PTPRF: variants seen among roughly 807,000 people sequenced by gnomAD.
The protein encoded by PTPRF is receptor-type tyrosine-protein phosphatase F.
A neutral mutation model predicts 201.8 loss-of-function variants in PTPRF; 59 were observed. The ratio of observed to expected loss-of-function variants is 0.29; its 90% CI spans 0.24 to 0.36. PTPRF has a LOEUF of 0.36. Among genes scored for constraint, PTPRF ranks in the 10% least tolerant of loss-of-function variants. The pLI, the probability that PTPRF is intolerant of heterozygous loss-of-function variation, is 1.00. For missense variants in PTPRF, 2,132 were observed against 2,690.5 expected (o/e 0.79, Z 4.59); for synonymous variants, 1,088 against 1,089.7 (o/e 1.00, Z 0.03).
At chr1:43,617,112 C>CT (rs1658055743) in intron 23 of PTPRF, among the ~76,000 whole-genome samples, 1 of 151,836 alleles carries the variant, frequency 6.6e-6, no homozygotes. Context: ...TCGGGACTGC[C>CT]TGAGAGGGGG....
At chr1:43,620,814 A>G (rs1659041575) in intron 31 of PTPRF, 24 bp from the exon 32 acceptor site, 1 of 1,600,428 alleles carries the variant, frequency 6.2e-7, no homozygotes, top group African/African-American at 1.3e-5. Flanking sequence ...AATTCTAATC[A>G]TGTACCCCAC....
At chr1:43,583,018 C>CT (rs568643021) in intron 7 of PTPRF, 27 of 957,098 alleles carry the variant, frequency 2.8e-5, no homozygotes, top group South Asian at 4.8e-5. Flanking sequence ...TTCTCCTTGT[C>CT]TTTTTTTTAT....
chr1:43,568,210 G>T (rs1271881970), intron 5 of PTPRF, among the ~76,000 whole-genome samples: 1 of 151,832 alleles, frequency 6.6e-6, no homozygotes, highest in Admixed American at 6.6e-5. Context: ...CAGGAGAATT[G>T]CTTGAACCCA....
Position 43,619,754 on chromosome 1 carries a change from G to A in PTPRF, c.5007G>A (p.Arg1669=). The A allele has an allele frequency of 1.9e-6, 3 of 1,614,256 alleles. No homozygotes were observed. The highest frequency in any genetic ancestry group is 1.7e-6 in the Non-Finnish European group (2 of 1,180,038). The stretch of plus-strand genomic sequence containing the variant: ...TGCCCTGCAACAAGTTCAAGAACCG[G>A]CTGGTGAACATCATGCCCTACGAAT... ...ANLPCNKFKN[R]LVNIMPYELT... The change falls in exon 29 of 34, where the codon CGG becomes CGA. Residue 1669 remains arginine, a synonymous_variant. Transcript: ENST00000359947.
intron 7 of PTPRF, chr1:43,579,156 A>C: frequency 1.4e-6 from 1 of 694,904 alleles, no homozygotes; most frequent in Middle Eastern, 2.3e-4. Context: ...CACTCTTGGG[A>C]GCATTTGTAT....
chr1:43,601,998 TCCAGG>T lies in PTPRF; in HGVS notation c.2314-65_2314-61del. The T allele has an allele frequency of 1.9e-6, 3 of 1,551,180 alleles. No homozygotes were observed. The Middle Eastern group carries it at 5.0e-4, about 261-fold the overall frequency. On this transcript the variant is annotated intron_variant, in intron 13 of 33. Transcript: ENST00000359947. ...TCTGTCCTCCCTGGGCAAGGTCCCT[TCCAGG>T]CCAGGCCCTCTCCAGGTCAGAGTCC...
rs914839750 is a variant in PTPRF, at chr1:43,591,890, A to G, written c.1610A>G (p.Gln537Arg). ...RIQLSWLLPP[Q>R]ERIIMYELVY... Reference sequence around the variant, plus strand: ...CAGCTCTCGTGGCTGCTGCCCCCTCAGGAGCGGATCATCATGTATGAACTG... The same window carrying G: ...CAGCTCTCGTGGCTGCTGCCCCCTCGGGAGCGGATCATCATGTATGAACTG... Residue 537 changes from glutamine to arginine, a missense_variant, in exon 10 of 34, where the codon CAG becomes CGG. Physicochemically the swap from Gln to Arg is conservative, Grantham distance 43. Transcript: ENST00000359947. The G allele has an allele frequency of 2.5e-6, 4 of 1,613,332 alleles. No individual in the cohort carries two copies. The highest frequency in any genetic ancestry group is 1.7e-5 in the Admixed American group (1 of 60,000).
chr1:43,571,049 C>G (rs1456512405), intron 6 of PTPRF, among the ~76,000 whole-genome samples: 1 of 152,188 alleles, frequency 6.6e-6, no homozygotes, highest in Non-Finnish European at 1.5e-5. Flanking sequence ...GGCAGCAGCT[C>G]TGGGAAGGCT....
rs749507478 is a variant in PTPRF, at chr1:43,591,091, G to C, written c.1069G>C (p.Ala357Pro). 2.5e-6 allele frequency: 4 copies of C among 1,613,814 alleles called. No individual in the cohort carries two copies. The African/African-American group carries it at 5.3e-5, about 22-fold the overall frequency. ...VTYYGIQYRA[A>P]GTEGPFQEVD... ...CTACTATGGCATCCAGTACCGCGCAGCGGGCACGGAGGGCCCCTTTCAGGA... is the reference window on the plus strand; with the variant it reads ...CTACTATGGCATCCAGTACCGCGCACCGGGCACGGAGGGCCCCTTTCAGGA... The change falls in exon 9 of 34, where the codon GCG becomes CCG. Residue 357 changes from alanine to proline, a missense_variant. Transcript: ENST00000359947.
In PTPRF at chr1:43,590,899, A is replaced by G. The variant is rs149881700; in HGVS notation, c.950-73A>G. On this transcript the variant is annotated intron_variant, in intron 8 of 33. Transcript: ENST00000359947. ...GGTGACCCCACCAGATATCCTGGAT[A>G]ATCCCCAAGTCTAGGGTTGGTTCCT... The G allele has an allele frequency of 1.7e-5, 23 of 1,360,262 alleles. No homozygotes were observed. In the East Asian group the frequency reaches 5.1e-4, roughly 30 times the overall value. The allele number at this position is 1,360,262 out of a possible 1,614,324, so 84.3% of individuals were successfully genotyped here. A position where few individuals can be genotyped will look rare whatever the true frequency, so the allele number is the denominator to read the frequency against.
rs920965007 is a variant in PTPRF at position 43,592,448 on chromosome 1, T to A, written c.1669-9T>A. The A allele has an allele frequency of 4.4e-6, 7 of 1,601,346 alleles. No homozygotes were observed. In the Admixed American group the frequency reaches 1.2e-4, roughly 27 times the overall value. On this transcript the variant is annotated splice_polypyrimidine_tract_variant and intron_variant, in intron 10 of 33. Transcript: ENST00000359947. The stretch of plus-strand genomic sequence containing the variant: ...AGAGCTGTCAGTGAGTGCTCCCTGC[T>A]CTTCCCAGCACAAGGTGACCTTCGA...
intron 5 of PTPRF, among the ~76,000 whole-genome samples, chr1:43,566,191 G>T (rs1026703086): frequency 1.3e-5 from 2 of 152,190 alleles, no homozygotes; most frequent in African/African-American, 2.4e-5. Context: ...CGCCTAGAGC[G>T]CTGGGGCTGG....
At chr1:43,555,504 G>C (rs1186712249) in intron 5 of PTPRF, among the ~76,000 whole-genome samples, 2 of 140,406 alleles carry the variant, frequency 1.4e-5, no homozygotes, top group Non-Finnish European at 3.0e-5. Context: ...GGAGTCCCGT[G>C]GTGCCATCTT....
Position 43,606,915 on chromosome 1 carries a change from G to T in PTPRF, c.3804G>T (p.Val1268=). The stretch of plus-strand genomic sequence containing the variant: ...AGATGCTGTGGGTGACGGGTCCCGT[G>T]CTGGCAGTCATCCTCATCATCCTCA... ...EPEMLWVTGP[V]LAVILIILIV... The change falls in exon 21 of 34, where the codon GTG becomes GTT. Residue 1268 remains valine, a synonymous_variant. Coordinates refer to ENST00000359947, the MANE Select transcript of PTPRF (RefSeq NM_002840.5). The T allele has an allele frequency of 6.2e-7, 1 of 1,614,200 alleles. No individual in the cohort carries two copies. The highest frequency in any genetic ancestry group is 1.1e-5 in the South Asian group (1 of 91,086).
upstream of PTPRF, among the ~76,000 whole-genome samples, chr1:43,523,463 C>A (rs1643011574): frequency 6.6e-6 from 1 of 152,040 alleles, no homozygotes; most frequent in East Asian, 1.9e-4. Flanking sequence ...AGGAGGATGA[C>A]CCCGCCAAGG....
chr1:43,569,228 C>G (rs889631294), intron 5 of PTPRF, among the ~76,000 whole-genome samples: 2 of 142,220 alleles, frequency 1.4e-5, no homozygotes, highest in Admixed American at 1.4e-4. Context: ...AGCCCCCCCC[C>G]CCACCCCCTG....
At position 43,595,120 on chromosome 1, in the gene PTPRF, G is replaced by A. The variant is rs533768323; in HGVS notation, c.1813+2519G>A. 3.3e-5 allele frequency among the ~76,000 whole-genome samples: 5 copies of A among 152,302 alleles called. 1 individual carries two copies. In the South Asian group the frequency reaches 1.0e-3, roughly 32 times the overall value. ...GAATGTGGAGGCAGCAAGCCTAGAC[G>A]TTGCCAGAAAGTGTAGCTCTGAACA... On this transcript the variant is annotated intron_variant, in intron 11 of 33. Transcript: ENST00000359947.
In PTPRF at chr1:43,591,541, A is replaced by G. The variant is rs758079244; in HGVS notation, c.1519A>G (p.Thr507Ala). ...GPPSPTIQVK[T>A]QQGVPAQPAD... ...TCCCAGCCCCACCATCCAGGTCAAG[A>G]CGCAGCAGGGAGGTAGGTGGGGGCA... is the stretch of plus-strand genomic sequence containing the variant. Residue 507 changes from threonine (T) to alanine (A), a missense_variant, in exon 9 of 34, where the codon ACG becomes GCG. Thr to Ala is a moderately conservative substitution (Grantham distance 58). This residue lies in a region of PTPRF where 351 missense variants were observed against 401.7 expected (regional missense o/e 0.87). Transcript: ENST00000359947. 22 of 1,582,784 alleles carry G rather than the reference A, an allele frequency of 1.4e-5. No individual in the cohort carries two copies. The South Asian group carries it at 2.5e-4, about 18-fold the overall frequency.
Position 43,620,483 on chromosome 1 carries a change from G to A in PTPRF, c.5268G>A (p.Glu1756=). 6.2e-7 allele frequency: 1 copy of A among 1,613,412 alleles called. No individual in the cohort carries two copies. The highest frequency in any genetic ancestry group is 1.7e-5 in the Admixed American group (1 of 60,020). ...REKCHQYWPA[E]RSARYQYFVV... is the part of the protein sequence containing the mutation. ...AATGCCACCAGTACTGGCCAGCAGA[G>A]CGCTCTGCTCGCTACCAGTACTTTG... The change falls in exon 31 of 34, where the codon GAG becomes GAA. Residue 1756 remains glutamate, a synonymous_variant. Coordinates refer to ENST00000359947, the MANE Select transcript of PTPRF (RefSeq NM_002840.5).
Sources: gnomAD v4.1 joint callset for allele counts (sites outside exome capture counted in the v4.1 genomes callset) on GRCh38, gnomAD v4.1.1 for gene constraint, gnomAD v4.1.1 regional missense constraint, MANE v1.5 for transcripts, NCBI Gene and HGNC (gene_info 2026-07-23, HGNC 2026-07-21) for gene names.